UBE2D4: variants seen among roughly 807,000 people sequenced by gnomAD.
UBE2D4 encodes ubiquitin conjugating enzyme E2 D4.
Under a neutral mutation model 23.0 loss-of-function variants are expected in UBE2D4, and 17 were observed. The observed-to-expected ratio is 0.74, with a 90% CI of 0.51 to 1.11. The LOEUF (loss-of-function observed/expected upper bound fraction) is 1.11. Ranked by LOEUF, UBE2D4 falls within the 50% of genes least tolerant of loss-of-function variation. The probability of loss-of-function intolerance (pLI) is 0.00; values close to 1 mark genes in which losing one functional copy is unlikely to be tolerated. For synonymous variants in UBE2D4, 61 were observed against 69.4 expected, an observed-to-expected ratio of 0.88 and a Z score of 0.60; for missense variants, 139 against 181.8, an observed-to-expected ratio of 0.76 and a Z score of 1.35.
At chr7:43,930,961 T>TA (rs2095943962) in intron 1 of UBE2D4, among the ~76,000 whole-genome samples, 1 of 151,660 alleles carries the variant, frequency 6.6e-6, no homozygotes, top group Non-Finnish European at 1.5e-5. Flanking sequence ...CCATATCCAC[T>TA]AAAAATACAA....
At chr7:43,945,607 T>C (rs1177915956) in intron 4 of UBE2D4, among the ~76,000 whole-genome samples, 2 of 152,098 alleles carry the variant, frequency 1.3e-5, no homozygotes, top group African/African-American at 4.8e-5. Context: ...CAAGCTCACA[T>C]GCACACAACT....
intron 1 of UBE2D4, chr7:43,928,078 G>A (rs1263649455): frequency 4.4e-6 from 2 of 454,216 alleles, no homozygotes; most frequent in African/African-American, 2.0e-5. Flanking sequence ...TACAATCATG[G>A]CAGAAAGCAA....
In UBE2D4 at chr7:43,950,646, C is replaced by A. The variant is rs1392577846; in HGVS notation, c.352C>A (p.Pro118Thr). 3.1e-6 allele frequency: 5 copies of A among 1,614,108 alleles called. No homozygotes were observed. The highest frequency in any genetic ancestry group is 2.2e-5 in the East Asian group (1 of 44,896). ...GCTCTGCGACCCCAACCCCGATGAC[C>A]CCCTGGTGCCAGAGATAGCACACAC... ...SLLCDPNPDD[P>T]LVPEIAHTYK... The change falls in exon 6 of 7, where the codon CCC becomes ACC. Residue 118 changes from proline to threonine, a missense_variant. Physicochemically the swap from Pro to Thr is conservative, Grantham distance 38. Transcript: ENST00000222402.
chr7:43,930,783 A>G (rs1358384599), intron 1 of UBE2D4, among the ~76,000 whole-genome samples: 5 of 151,934 alleles, frequency 3.3e-5, no homozygotes, highest in Admixed American at 6.6e-5. Context: ...CAGCATTTCA[A>G]TTTTTTAATG....
chr7:43,933,740 T>C (rs1486772687), intron 1 of UBE2D4, among the ~76,000 whole-genome samples: 1 of 152,114 alleles, frequency 6.6e-6, no homozygotes, highest in Non-Finnish European at 1.5e-5. Flanking sequence ...TGAGACCCTG[T>C]CTCTAAAAAT....
Position 43,953,558 on chromosome 7 carries a change from C to G in UBE2D4, c.*863C>G, listed in dbSNP as rs1441072056. On this transcript the variant is annotated 3_prime_UTR_variant, in exon 7 of 7. Transcript: ENST00000222402. ...CGTAAATAAAAATGCAATTCACTCA[C>G]AACTCTAAATGATAATTGACATTTC... is the stretch of plus-strand genomic sequence containing the variant. 1 of 204,572 alleles carries G rather than the reference C, an allele frequency of 4.9e-6. No homozygotes were observed. The highest frequency in any genetic ancestry group is 5.3e-5 in the Admixed American group (1 of 18,938). 12.7% of individuals were successfully genotyped at this position (204,572 alleles called of 1,614,324 possible).
chr7:43,943,361 C>T, intron 4 of UBE2D4: 1 of 412,820 alleles, frequency 2.4e-6, no homozygotes, highest in Non-Finnish European at 4.4e-6. Flanking sequence ...GACAGGGGTT[C>T]TCAGCCGGGG....
At chr7:43,938,392 C>T (rs1362876134) in intron 1 of UBE2D4, 39 bp from the exon 2 acceptor site, 1 of 1,594,892 alleles carries the variant, frequency 6.3e-7, no homozygotes, top group Non-Finnish European at 8.6e-7. Flanking sequence ...GCAGCATCCC[C>T]AGCATACAGC....
chr7:43,951,385 C>T (rs930964823), intron 6 of UBE2D4, among the ~76,000 whole-genome samples: 1 of 152,148 alleles, frequency 6.6e-6, no homozygotes, highest in Non-Finnish European at 1.5e-5. Context: ...TGGCAGGGGC[C>T]GCAGTCCAGT....
chr7:43,949,764 C>G (rs1370478128), intron 5 of UBE2D4, among the ~76,000 whole-genome samples: 1 of 152,224 alleles, frequency 6.6e-6, no homozygotes, highest in East Asian at 1.9e-4. Context: ...CCTAGGGTTG[C>G]TGAGAGCCAC....
At chr7:43,949,634 T>C (rs2095997006) in intron 5 of UBE2D4, among the ~76,000 whole-genome samples, 1 of 152,220 alleles carries the variant, frequency 6.6e-6, no homozygotes, top group African/African-American at 2.4e-5. Context: ...TTTGGAATCA[T>C]ATGGTGAGTC....
intron 1 of UBE2D4, chr7:43,928,062 G>T: frequency 2.2e-6 from 1 of 454,680 alleles, no homozygotes; most frequent in South Asian, 1.6e-5. Context: ...GAGGCCTCAG[G>T]AAGCTTACAA....
chr7:43,942,950 C>G lies in UBE2D4; in HGVS notation c.121-4C>G, dbSNP rs1317707182. 6.2e-7 allele frequency: 1 copy of G among 1,614,132 alleles called. No homozygotes were observed. The highest frequency in any genetic ancestry group is 8.5e-7 in the Non-Finnish European group (1 of 1,180,006). On this transcript the variant is annotated splice_region_variant and splice_polypyrimidine_tract_variant and intron_variant, in intron 3 of 6. Coordinates refer to ENST00000222402, the MANE Select transcript of UBE2D4 (RefSeq NM_015983.4). ...TGATCTCTTTCTGTGTCTCATCCTT[C>G]CAGAATGACAGTCCTTACCAAGGAG...
At chr7:43,930,128 A>G (rs903102677) in intron 1 of UBE2D4, among the ~76,000 whole-genome samples, 1 of 152,206 alleles carries the variant, frequency 6.6e-6, no homozygotes, top group East Asian at 1.9e-4. Context: ...AGCCCAGCAG[A>G]TCTTTTTTTC....
intron 1 of UBE2D4, among the ~76,000 whole-genome samples, chr7:43,934,740 T>A (rs1218646966): frequency 2.0e-5 from 3 of 151,802 alleles, no homozygotes; most frequent in African/African-American, 4.8e-5. Context: ...CTAAAAAAAA[T>A]ATTTTTTCTC....
intron 1 of UBE2D4, among the ~76,000 whole-genome samples, chr7:43,933,668 C>T (rs1190665935): frequency 2.0e-5 from 3 of 152,102 alleles, no homozygotes; most frequent in African/African-American, 7.2e-5. Context: ...TGCTTGAACC[C>T]AGTAGGCAGA....
chr7:43,942,644 C>T (rs2095975692), intron 2 of UBE2D4, 182 bp from the exon 3 acceptor site: 2 of 736,942 alleles, frequency 2.7e-6, no homozygotes, highest in African/African-American at 3.5e-5. Context: ...TTTCAGTGAG[C>T]TCTGGGAGTC....
At chr7:43,932,841 AAAAGAAAATT>A (rs1051325223) in intron 1 of UBE2D4, among the ~76,000 whole-genome samples, 2 of 150,576 alleles carry the variant, frequency 1.3e-5, no homozygotes, top group South Asian at 2.1e-4. Flanking sequence ...ATAATAGAAA[AAAAGAAAATT>A]AAAGAAAATT....
At chr7:43,948,212 C>G (rs2095992820) in intron 4 of UBE2D4, among the ~76,000 whole-genome samples, 1 of 152,194 alleles carries the variant, frequency 6.6e-6, no homozygotes, top group Non-Finnish European at 1.5e-5. Flanking sequence ...TCCCATTTGT[C>G]TATTTTGGCT....
Sources: gnomAD v4.1 joint callset for allele counts (sites outside exome capture counted in the v4.1 genomes callset) on GRCh38, gnomAD v4.1.1 for gene constraint, MANE v1.5 for transcripts, NCBI Gene and HGNC (gene_info 2026-07-23, HGNC 2026-07-21) for gene names.